The following MAPKAP1 variants were observed in gnomAD, a reference collection of about 807,000 sequenced individuals.
The protein encoded by MAPKAP1 is MAPK associated protein 1.
Under a neutral mutation model 65.7 loss-of-function variants are expected in MAPKAP1, and 20 were observed. That is an observed-to-expected ratio of 0.30 (90% CI 0.21 to 0.44). The LOEUF (loss-of-function observed/expected upper bound fraction) is 0.44. Among genes scored for constraint, MAPKAP1 ranks in the 20% least tolerant of loss-of-function variants. The pLI is 1.00. For missense variants in MAPKAP1, 423 were observed against 648.0 expected (o/e 0.65, Z 3.77); for synonymous variants, 222 against 244.3 (o/e 0.91, Z 0.85).
At chr9:125,533,467 T>C (rs1334503342) in intron 7 of MAPKAP1, among the ~76,000 whole-genome samples, 1 of 151,976 alleles carries the variant, frequency 6.6e-6, no homozygotes, top group Non-Finnish European at 1.5e-5. Flanking sequence ...TTTTTTTTTT[T>C]GAGACAGAGT....
chr9:125,456,140 A>G (rs1490592472), intron 10 of MAPKAP1, among the ~76,000 whole-genome samples: 1 of 127,880 alleles, frequency 7.8e-6, no homozygotes, highest in Middle Eastern at 4.0e-3. Context: ...TCTCTACGTA[A>G]TATGTCTTCT....
chr9:125,529,552 C>T (rs1387679972), intron 7 of MAPKAP1, among the ~76,000 whole-genome samples: 1 of 151,806 alleles, frequency 6.6e-6, no homozygotes, highest in Non-Finnish European at 1.5e-5. Context: ...AAAAGGAAAG[C>T]TTAAGTTTTG....
At chr9:125,549,250 G>C (rs1830515580) in intron 6 of MAPKAP1, among the ~76,000 whole-genome samples, 2 of 152,234 alleles carry the variant, frequency 1.3e-5, no homozygotes, top group African/African-American at 4.8e-5. Flanking sequence ...GTGGGAAAAG[G>C]TTGCTACGAG....
At chr9:125,577,768 G>GC (rs1831485003) in intron 5 of MAPKAP1, among the ~76,000 whole-genome samples, 1 of 138,948 alleles carries the variant, frequency 7.2e-6, no homozygotes, top group South Asian at 2.4e-4. Flanking sequence ...GAAGTGAGGA[G>GC]CCCCTCTGCC....
intron 1 of MAPKAP1, among the ~76,000 whole-genome samples, chr9:125,691,736 T>C (rs1422636287): frequency 6.6e-6 from 1 of 152,248 alleles, no homozygotes; most frequent in Non-Finnish European, 1.5e-5. Flanking sequence ...ATCCATGCTG[T>C]GTAAACTCAT....
intron 4 of MAPKAP1, chr9:125,596,157 CA>C: frequency 1.3e-6 from 1 of 774,324 alleles, no homozygotes; most frequent in Non-Finnish European, 2.3e-6. Context: ...GACTGTCATT[CA>C]AAAACACCAT....
At chr9:125,674,815 G>T (rs947396689) in intron 1 of MAPKAP1, among the ~76,000 whole-genome samples, 1 of 152,112 alleles carries the variant, frequency 6.6e-6, no homozygotes, top group South Asian at 2.1e-4. Flanking sequence ...AAATGCAAAG[G>T]TGAGTAAGGT....
chr9:125,449,524 C>G (rs1383615910), intron 10 of MAPKAP1, among the ~76,000 whole-genome samples: 3 of 152,172 alleles, frequency 2.0e-5, no homozygotes, highest in African/African-American at 7.2e-5. Context: ...AGGGCAGATA[C>G]TGAAACTGTA....
At position 125,615,254 on chromosome 9, in the gene MAPKAP1, T is replaced by C. The variant is rs893328988; in HGVS notation, c.499-29527A>G. ...CATGGAGAAAATGATAAAATTTTAC[T>C]AAAGATATTATAGGTCACTTAAATG... On this transcript the variant is annotated intron_variant, in intron 4 of 11. Transcript: ENST00000265960. Among the ~76,000 whole-genome samples, 3 of 152,280 alleles carry C rather than the reference T, an allele frequency of 2.0e-5. No individual in the cohort carries two copies. In the East Asian group the frequency reaches 5.8e-4, roughly 29 times the overall value.
rs139975317 is a variant in MAPKAP1, at chr9:125,525,829, C to T, written c.958+17230G>A. On this transcript the variant is annotated intron_variant, in intron 7 of 11. Transcript: ENST00000265960. ...CCAGAAGACTATGATCTGGTTGGGA[C>T]CTTATTTTATTGAAGAGGAGACTAA... 4.4e-3 allele frequency among the ~76,000 whole-genome samples: 663 copies of T among 152,106 alleles called. 7 individuals carry two copies. Among genetic ancestry groups the T allele is most frequent in the African/African-American group, 0.015 (634 of 41,482 alleles).
At chr9:125,543,378 TG>T (rs1830314767) in intron 6 of MAPKAP1, among the ~76,000 whole-genome samples, 1 of 151,898 alleles carries the variant, frequency 6.6e-6, no homozygotes. Context: ...ACCATTCTCC[TG>T]CCTCAGCCTC....
intron 3 of MAPKAP1, among the ~76,000 whole-genome samples, chr9:125,658,534 A>G (rs1320160781): frequency 1.3e-5 from 2 of 152,236 alleles, no homozygotes; most frequent in Non-Finnish European, 2.9e-5. Context: ...TGGACCACAC[A>G]GCTAATAAGT....
intron 1 of MAPKAP1, among the ~76,000 whole-genome samples, chr9:125,692,056 T>C (rs1252303188): frequency 6.6e-6 from 1 of 152,192 alleles, no homozygotes; most frequent in Admixed American, 6.5e-5. Flanking sequence ...ACCTTATGCA[T>C]TGTTGGAGGA....
chr9:125,602,128 C>T (rs1832316014), intron 4 of MAPKAP1, among the ~76,000 whole-genome samples: 1 of 152,130 alleles, frequency 6.6e-6, no homozygotes, highest in South Asian at 2.1e-4. Context: ...CGGTGTGAGC[C>T]TGTGATCTCA....
intron 4 of MAPKAP1, among the ~76,000 whole-genome samples, chr9:125,621,413 G>C (rs1832895725): frequency 6.6e-6 from 1 of 152,054 alleles, no homozygotes; most frequent in African/African-American, 2.4e-5. Flanking sequence ...TAGCCTAAAA[G>C]TGAGAAAACA....
At position 125,585,637 on chromosome 9, in the gene MAPKAP1, T is replaced by C. The variant is rs1421794602; in HGVS notation, c.589A>G (p.Thr197Ala). ...TCCTGCACCCTGGCGCTGGCCATTG[T>C]CACCACGGTCATTGGCAGCAGTCTG... The part of the protein sequence containing the change: ...QDRLLPMTVV[T>A]MASARVQDLI... Residue 197 changes from threonine (T) to alanine (A), a missense_variant, in exon 5 of 12, where the codon ACA becomes GCA. Physicochemically the swap from Thr to Ala is moderately conservative, Grantham distance 58. This residue lies in a region of MAPKAP1 where 98 missense variants were observed against 200.5 expected (regional missense o/e 0.49). Transcript: ENST00000265960. The C allele has an allele frequency of 6.2e-7, 1 of 1,614,240 alleles. No individual in the cohort carries two copies.
intron 6 of MAPKAP1, among the ~76,000 whole-genome samples, chr9:125,556,337 T>C (rs1349252450): frequency 6.6e-6 from 1 of 152,258 alleles, no homozygotes; most frequent in African/African-American, 2.4e-5. Flanking sequence ...ATGTCAGCCT[T>C]AAGACAGTGA....
chr9:125,614,147 A>C (rs188397763), intron 4 of MAPKAP1, among the ~76,000 whole-genome samples: 1 of 152,280 alleles, frequency 6.6e-6, no homozygotes, highest in Admixed American at 6.5e-5. Context: ...AAACCTCCAT[A>C]TCCAAACCTG....
chr9:125,543,093 T>C lies in MAPKAP1; in HGVS notation c.924A>G (p.Ala308=), dbSNP rs1589272895. 1.2e-6 allele frequency: 2 copies of C among 1,613,910 alleles called. No homozygotes were observed. Among genetic ancestry groups the C allele is most frequent in the East Asian group, 4.5e-5 (2 of 44,886 alleles). ...TCTGGGATCCTTTTCTTCGCTTCACTGCCTTCAGTAAGATTTCCTTCATGG... is the reference window on the plus strand; with the variant it reads ...TCTGGGATCCTTTTCTTCGCTTCACCGCCTTCAGTAAGATTTCCTTCATGG... ...KVTMKEILLK[A]VKRRKGSQKV... is the part of the protein sequence containing the mutation. The change falls in exon 7 of 12, where the codon GCA becomes GCG. Residue 308 remains alanine, a synonymous_variant. Transcript: ENST00000265960.
Sources: gnomAD v4.1 joint callset for allele counts (sites outside exome capture counted in the v4.1 genomes callset) on GRCh38, gnomAD v4.1.1 for gene constraint, gnomAD v4.1.1 regional missense constraint, MANE v1.5 for transcripts, NCBI Gene and HGNC (gene_info 2026-07-23, HGNC 2026-07-21) for gene names.